Variants in MTUS1 observed in about 807,000 individuals in gnomAD.
MTUS1 encodes the protein microtubule-associated tumor suppressor 1.
Under a neutral mutation model 120.8 loss-of-function variants are expected in MTUS1, and 109 were observed. The observed-to-expected ratio is 0.90, with a 90% CI of 0.77 to 1.06. MTUS1 has a LOEUF of 1.06. Ranked by LOEUF, MTUS1 falls within the 50% of genes least tolerant of loss-of-function variation. The pLI is 0.00. For missense variants in MTUS1, 2,210 were observed against 1,486.3 expected, an observed-to-expected ratio of 1.49 and a Z score of -8.01; for synonymous variants, 737 against 550.5, an observed-to-expected ratio of 1.34 and a Z score of -4.74.
rs200471454 is a variant in MTUS1, at chr8:17,753,894, T to C, written c.1914A>G (p.Lys638=). The change falls in exon 2 of 15, where the codon AAA becomes AAG. Residue 638 remains lysine, a synonymous_variant. Coordinates refer to ENST00000693296, the MANE Select transcript of MTUS1 (RefSeq NM_001363059.2). ...GSVSALFQKI[K]GILPVKMESA... ...TTTCCATTTTAACAGGGAGTATGCCTTTGATCTTCTGAAACAACGCAGAAA... is the reference window on the plus strand; with the variant it reads ...TTTCCATTTTAACAGGGAGTATGCCCTTGATCTTCTGAAACAACGCAGAAA... 1.1e-5 allele frequency: 17 copies of C among 1,614,176 alleles called. No homozygotes were observed. The Middle Eastern group carries it at 4.9e-4, about 47-fold the overall frequency.
At chr8:17,783,498 G>A (rs1020154765) in intron 1 of MTUS1, among the ~76,000 whole-genome samples, 5 of 152,154 alleles carry the variant, frequency 3.3e-5, no homozygotes, top group African/African-American at 4.8e-5. Context: ...GTCCTCACTA[G>A]ACATGGAGGA....
intron 1 of MTUS1, among the ~76,000 whole-genome samples, chr8:17,791,122 T>TC (rs1404352512): frequency 6.6e-6 from 1 of 152,122 alleles, no homozygotes; most frequent in Non-Finnish European, 1.5e-5. Flanking sequence ...CCGGTACAAG[T>TC]CCAGTCCCAG....
rs749845435 is a variant in MTUS1 at position 17,753,891 on chromosome 8, G to A, written c.1917C>T (p.Gly639=). The A allele has an allele frequency of 3.7e-6, 6 of 1,613,988 alleles. No individual in the cohort carries two copies. The highest frequency in any genetic ancestry group is 1.6e-4 in the Middle Eastern group (1 of 6,084). The change falls in exon 2 of 15, where the codon GGC becomes GGT. Residue 639 remains glycine, a synonymous_variant. Coordinates refer to ENST00000693296, the MANE Select transcript of MTUS1 (RefSeq NM_001363059.2). ...CACTTTCCATTTTAACAGGGAGTAT[G>A]CCTTTGATCTTCTGAAACAACGCAG... is the stretch of plus-strand genomic sequence containing the variant. The part of the protein sequence containing the change: ...SVSALFQKIK[G]ILPVKMESAE...
Position 17,644,446 on chromosome 8 carries a change from G to GAGAT in MTUS1, c.*1476_*1479dup, listed in dbSNP as rs139813734. 8,402 of 152,640 alleles carry GAGAT rather than the reference G, an allele frequency of 0.055. 368 individuals are homozygous for GAGAT. Among genetic ancestry groups the GAGAT allele is most frequent in the South Asian group, 0.15 (715 of 4,820 alleles). The allele number at this position is 152,640 out of a possible 1,614,324, so 9.5% of individuals were successfully genotyped here. A position where few individuals can be genotyped will look rare whatever the true frequency, so the allele number is the denominator to read the frequency against. ...CAATGTTGACACATGCAGGGAGGGG[G>GAGAT]AGATAAAGCAACAGTTCTTCCTTCC... On this transcript the variant is annotated 3_prime_UTR_variant, in exon 15 of 15. Transcript: ENST00000693296.
Position 17,755,175 on chromosome 8 carries a change from G to A in MTUS1, c.633C>T (p.Ser211=). The change falls in exon 2 of 15, where the codon TCC becomes TCT. Residue 211 remains serine, a synonymous_variant. Transcript: ENST00000693296. ...CTCTTGCATGCGTCTTATCAGAATG[G>A]GAAGATGTCCAAGTGGAATAGGATA... The part of the protein sequence containing the change: ...SSLSYSTWTS[S]HSDKTHARET... 6.2e-7 allele frequency: 1 copy of A among 1,614,138 alleles called. No individual in the cohort carries two copies. Among genetic ancestry groups the A allele is most frequent in the East Asian group, 2.2e-5 (1 of 44,874 alleles).
chr8:17,674,630 G>C (rs1388717772), intron 8 of MTUS1: 2 of 986,750 alleles, frequency 2.0e-6, no homozygotes, highest in Non-Finnish European at 2.4e-6. Context: ...GCAGGGCTGG[G>C]TGGTAGGTGT....
At chr8:17,696,865 C>T (rs781450653) in intron 6 of MTUS1, among the ~76,000 whole-genome samples, 1 of 151,112 alleles carries the variant, frequency 6.6e-6, no homozygotes, top group African/African-American at 2.4e-5. Flanking sequence ...CAATGAAAAA[C>T]GATGGGAACC....
intron 6 of MTUS1, chr8:17,697,244 A>G (rs761633612): frequency 2.5e-6 from 4 of 1,611,202 alleles, no homozygotes; most frequent in South Asian, 1.1e-5. Flanking sequence ...ACAGAGATCT[A>G]TGCGAGACAG....
chr8:17,680,464 CAAAAAAAAAAAAAAAAAAAA>C (rs58490523), intron 7 of MTUS1, among the ~76,000 whole-genome samples: 796 of 24,368 alleles, frequency 0.033, 17 homozygotes, highest in African/African-American at 0.11. Context: ...GCCACTGTCG[CAAAAAAAAAAAAAAAAAAAA>C]AAAAAAAAAA....
At chr8:17,790,988 G>A (rs1383446891) in intron 1 of MTUS1, among the ~76,000 whole-genome samples, 1 of 152,088 alleles carries the variant, frequency 6.6e-6, no homozygotes, top group Non-Finnish European at 1.5e-5. Context: ...ATCGGTGGGG[G>A]CGGGGAGAAG....
intron 2 of MTUS1, among the ~76,000 whole-genome samples, chr8:17,746,237 G>T (rs774450049): frequency 1.2e-4 from 19 of 152,056 alleles, no homozygotes; most frequent in Non-Finnish European, 2.6e-4. Context: ...TGTTTCAATT[G>T]CCACGTGTAC....
At chr8:17,711,466 G>A (rs935000274) in intron 6 of MTUS1, among the ~76,000 whole-genome samples, 2 of 149,840 alleles carry the variant, frequency 1.3e-5, no homozygotes, top group African/African-American at 2.5e-5. Flanking sequence ...TTTTTTTTCT[G>A]CAGCTCCCTC....
chr8:17,682,584 G>C (rs1387619380), intron 7 of MTUS1, among the ~76,000 whole-genome samples: 2 of 151,600 alleles, frequency 1.3e-5, no homozygotes, highest in Non-Finnish European at 2.9e-5. Context: ...TCTGAGCAAG[G>C]ATGGCATGAA....
chr8:17,721,871 T>C (rs753112093), intron 4 of MTUS1: 3 of 1,613,842 alleles, frequency 1.9e-6, no homozygotes, highest in African/African-American at 1.3e-5. Flanking sequence ...TCAGTTTCTG[T>C]ACAACTGCGA....
chr8:17,709,187 G>T (rs1249051743), intron 6 of MTUS1, among the ~76,000 whole-genome samples: 1 of 151,280 alleles, frequency 6.6e-6, no homozygotes, highest in Non-Finnish European at 1.5e-5. Flanking sequence ...ACACTTCCCT[G>T]CTTATTACAC....
chr8:17,755,188 G>A lies in MTUS1; in HGVS notation c.620C>T (p.Thr207Ile). 1 of 1,614,216 alleles carries A rather than the reference G, an allele frequency of 6.2e-7. No homozygotes were observed. Among genetic ancestry groups the A allele is most frequent in the Non-Finnish European group, 8.5e-7 (1 of 1,180,040 alleles). Reference protein sequence around the residue: ...SGSTSSLSYSTWTSSHSDKTH... With the variant: ...SGSTSSLSYSIWTSSHSDKTH... Reference sequence around the variant, plus strand: ...CTTATCAGAATGGGAAGATGTCCAAGTGGAATAGGATAAAGAAGATGTACT... The same window carrying A: ...CTTATCAGAATGGGAAGATGTCCAAATGGAATAGGATAAAGAAGATGTACT... The change falls in exon 2 of 15, where the codon ACT becomes ATT. Residue 207 changes from threonine to isoleucine, a missense_variant. Physicochemically the swap from Thr to Ile is moderately conservative, Grantham distance 89. Coordinates refer to ENST00000693296, the MANE Select transcript of MTUS1 (RefSeq NM_001363059.2).
intron 4 of MTUS1, chr8:17,716,568 GT>G: frequency 6.6e-6 from 1 of 150,436 alleles, no homozygotes; most frequent in Non-Finnish European, 1.5e-5. Context: ...TTGTTTGTTT[GT>G]TTTGAGACGG....
chr8:17,673,941 C>A (rs1812539524), intron 8 of MTUS1, among the ~76,000 whole-genome samples: 2 of 152,154 alleles, frequency 1.3e-5, no homozygotes, highest in Admixed American at 1.3e-4. Flanking sequence ...TTGCATTATT[C>A]ATACAACATA....
At chr8:17,720,071 G>GT (rs1390978684) in intron 4 of MTUS1, among the ~76,000 whole-genome samples, 2 of 152,160 alleles carry the variant, frequency 1.3e-5, no homozygotes, top group Non-Finnish European at 2.9e-5. Context: ...GGGACCGGGC[G>GT]TGGTGGCTCA....
Sources: allele counts gnomAD v4.1 joint callset (sites outside exome capture counted in the v4.1 genomes callset), GRCh38; gene constraint gnomAD v4.1.1; transcripts MANE v1.5; gene names NCBI Gene and HGNC (gene_info 2026-07-23, HGNC 2026-07-21).